Variants in IAH1 observed in about 807,000 individuals in gnomAD.
IAH1 encodes isoamyl acetate hydrolyzing esterase 1 (putative), also known as isoamyl acetate-hydrolyzing esterase 1 homolog.
IAH1 carries 24 observed loss-of-function variants against 26.7 expected under a neutral mutation model. The observed-to-expected ratio is 0.90, with a 90% CI of 0.65 to 1.26. IAH1 has a LOEUF of 1.26. Among genes scored for constraint, IAH1 ranks in the 50% most tolerant of loss-of-function variants. The pLI is 0.00. For missense variants in IAH1, 300 were observed against 299.9 expected (o/e 1.00, Z 0.00); for synonymous variants, 140 against 118.5 (o/e 1.18, Z -1.18).
At chr2:9,490,553 TAAAAGA>T, downstream of IAH1, 1 of 1,575,424 alleles carries the variant, frequency 6.3e-7, no homozygotes, top group South Asian at 1.2e-5. Flanking sequence ...TTGATAGGAA[TAAAAGA>T]TGAATCGGAG....
chr2:9,483,328 T>G (rs1661291984), intron 4 of IAH1, among the ~76,000 whole-genome samples: 1 of 152,154 alleles, frequency 6.6e-6, no homozygotes. Flanking sequence ...CACTGCAGCC[T>G]CCACCTCTGG....
chr2:9,512,301 G>C, the IAH1 span: 1 of 151,850 alleles, frequency 6.6e-6, no homozygotes, highest in Non-Finnish European at 1.5e-5. Flanking sequence ...TTGTTTTTTT[G>C]CTGTGTTTTT....
At chr2:9,501,710 G>A in the IAH1 span, among the ~76,000 whole-genome samples, 1 of 152,084 alleles carries the variant, frequency 6.6e-6, no homozygotes, top group Non-Finnish European at 1.5e-5. Context: ...TCCCAAGATT[G>A]TCATTTTGAT....
chr2:9,493,090 G>T, downstream of IAH1: 1 of 903,168 alleles, frequency 1.1e-6, no homozygotes, highest in Non-Finnish European at 1.7e-6. Context: ...AGAGCTGCTG[G>T]CTAGACATAC....
the IAH1 span, among the ~76,000 whole-genome samples, chr2:9,511,633 C>T: frequency 7.2e-5 from 11 of 151,970 alleles, no homozygotes; most frequent in Non-Finnish European, 1.3e-4. Context: ...ATAAATTTTG[C>T]CAATAAAGCT....
the IAH1 span, chr2:9,510,013 G>C: frequency 1.9e-6 from 3 of 1,614,018 alleles, no homozygotes; most frequent in South Asian, 2.2e-5. Flanking sequence ...CACAGCTATG[G>C]GATACATGAC....
At chr2:9,481,062 G>A (rs1369745027) in intron 3 of IAH1, among the ~76,000 whole-genome samples, 1 of 152,178 alleles carries the variant, frequency 6.6e-6, no homozygotes, top group Non-Finnish European at 1.5e-5. Context: ...GTGACGAAAA[G>A]ACAAGAGTAC....
chr2:9,485,873 C>T (rs986217930), intron 5 of IAH1: 3 of 152,304 alleles, frequency 2.0e-5, no homozygotes, highest in Admixed American at 6.5e-5. Context: ...ATGCTGGGAT[C>T]CAGAGAGAAA....
intron 3 of IAH1, among the ~76,000 whole-genome samples, chr2:9,479,433 G>C (rs1661025474): frequency 6.6e-6 from 1 of 152,074 alleles, no homozygotes; most frequent in Non-Finnish European, 1.5e-5. Context: ...CTTTAGTGTA[G>C]AAATCAATAA....
At chr2:9,497,320 C>T, downstream of IAH1, 6 of 1,578,674 alleles carry the variant, frequency 3.8e-6, no homozygotes, top group Non-Finnish European at 5.2e-6. Flanking sequence ...GCATAATACG[C>T]TGTTTCTCAT....
At chr2:9,493,508 G>A (rs1222473810), downstream of IAH1, among the ~76,000 whole-genome samples, 1 of 152,168 alleles carries the variant, frequency 6.6e-6, no homozygotes. Flanking sequence ...GGTAAAGAAG[G>A]AAGCCAGTAT....
At position 9,476,740 on chromosome 2, in the gene IAH1, CGATT is replaced by C. The variant is rs575868022; in HGVS notation, c.134+706_134+709del. On this transcript the variant is annotated intron_variant, in intron 2 of 5. Coordinates refer to ENST00000497473, the MANE Select transcript of IAH1 (RefSeq NM_001039613.3). The stretch of plus-strand genomic sequence containing the variant: ...GTCCAGGGGAGGAATGCCACAAGGT[CGATT>C]GATTAGTTAGGGTGGGGCAGGAACA... Among the ~76,000 whole-genome samples, 8 of 152,154 alleles carry C rather than the reference CGATT, an allele frequency of 5.3e-5. No homozygotes were observed. In the South Asian group the frequency reaches 1.7e-3, roughly 32 times the overall value.
chr2:9,510,244 A>G, the IAH1 span: 140 of 1,172,762 alleles, frequency 1.2e-4, no homozygotes, highest in African/African-American at 1.9e-3. Context: ...CAACAAGAGA[A>G]TAAGAACTGC....
chr2:9,483,312 A>G (rs941856319), intron 4 of IAH1, among the ~76,000 whole-genome samples: 1 of 152,114 alleles, frequency 6.6e-6, no homozygotes, highest in Non-Finnish European at 1.5e-5. Flanking sequence ...TGGATTACTC[A>G]TAGCTCACTG....
At chr2:9,475,775 A>G in intron 1 of IAH1, 2 of 599,782 alleles carry the variant, frequency 3.3e-6, no homozygotes, top group Non-Finnish European at 6.0e-6. Context: ...TGCTGGGAAT[A>G]CAGGCTGTTT....
the IAH1 span, among the ~76,000 whole-genome samples, chr2:9,503,094 C>G: frequency 6.8e-6 from 1 of 147,682 alleles, no homozygotes. Flanking sequence ...GAGCCAAGAT[C>G]GCGCCACTGC....
intron 5 of IAH1, chr2:9,485,195 T>C (rs1261009260): frequency 6.6e-6 from 1 of 152,252 alleles, no homozygotes; most frequent in Admixed American, 6.5e-5. Flanking sequence ...CTGTGATGAA[T>C]AGGGAAACTG....
rs1031115274 is a variant in IAH1 at position 9,482,777 on chromosome 2, T to C, written c.445+1330T>C. ...GTCACAAACAGCATATGCCAAGGGG[T>C]GCCACACACCGGAGGCACAGACAAA... On this transcript the variant is annotated intron_variant, in intron 4 of 5. Coordinates refer to ENST00000497473, the MANE Select transcript of IAH1 (RefSeq NM_001039613.3). Among the ~76,000 whole-genome samples the C allele has an allele frequency of 9.2e-5, 14 of 152,232 alleles. 1 individual carries two copies. In the South Asian group the frequency reaches 2.7e-3, roughly 29 times the overall value.
intron 6 of IAH1, among the ~76,000 whole-genome samples, chr2:9,495,569 C>T (rs891455895): frequency 5.9e-5 from 9 of 152,016 alleles, no homozygotes; most frequent in African/African-American, 2.2e-4. Flanking sequence ...AAAAAATTAG[C>T]CAGATGTGGT....
Sources: allele counts gnomAD v4.1 joint callset (sites outside exome capture counted in the v4.1 genomes callset), GRCh38; gene constraint gnomAD v4.1.1; transcripts MANE v1.5; gene names NCBI Gene and HGNC (gene_info 2026-07-23, HGNC 2026-07-21).